Variants in MACROD2 observed in about 807,000 individuals in gnomAD.
MACROD2 encodes the protein mono-ADP ribosylhydrolase 2.
Under a neutral mutation model 70.4 loss-of-function variants are expected in MACROD2, and 36 were observed. The ratio of observed to expected loss-of-function variants is 0.51; its 90% CI spans 0.39 to 0.68. The LOEUF (loss-of-function observed/expected upper bound fraction) is 0.68, where lower values mean the gene tolerates loss of function less well. Ranked by LOEUF, MACROD2 falls within the 30% of genes least tolerant of loss-of-function variation. MACROD2 has a pLI of 0.00. For missense variants in MACROD2, 496 were observed against 538.4 expected, an observed-to-expected ratio of 0.92 and a Z score of 0.78; for synonymous variants, 172 against 178.8, an observed-to-expected ratio of 0.96 and a Z score of 0.30.
intron 4 of MACROD2, among the ~76,000 whole-genome samples, chr20:14,544,535 G>C (rs2085469414): frequency 1.3e-5 from 2 of 152,246 alleles, no homozygotes; most frequent in Admixed American, 1.3e-4. Flanking sequence ...TAGGAACCCA[G>C]TAAGTAGTGA....
chr20:14,027,761 T>G (rs1385797439), intron 2 of MACROD2, among the ~76,000 whole-genome samples: 2 of 152,166 alleles, frequency 1.3e-5, no homozygotes, highest in Non-Finnish European at 2.9e-5. Flanking sequence ...CAGCAAAGAT[T>G]GCTGCCTGTT....
chr20:14,162,796 T>TTTTA (rs1285431775), intron 3 of MACROD2, among the ~76,000 whole-genome samples: 1 of 152,194 alleles, frequency 6.6e-6, no homozygotes, highest in African/African-American at 2.4e-5. Context: ...TTGGGTCATG[T>TTTTA]TTTATTTATT....
chr20:15,963,533 T>C (rs2066095057), intron 12 of MACROD2, among the ~76,000 whole-genome samples: 1 of 152,206 alleles, frequency 6.6e-6, no homozygotes, highest in African/African-American at 2.4e-5. Flanking sequence ...TTGCTGGCTA[T>C]TTCCTCAAAT....
chr20:15,032,297 A>G (rs889547852), intron 5 of MACROD2, among the ~76,000 whole-genome samples: 1 of 152,172 alleles, frequency 6.6e-6, no homozygotes, highest in Non-Finnish European at 1.5e-5. Context: ...CCAACTTGGT[A>G]GGGAGTGGGC....
chr20:15,894,182 C>A (rs1448590099), intron 10 of MACROD2, among the ~76,000 whole-genome samples: 1 of 152,208 alleles, frequency 6.6e-6, no homozygotes, highest in Non-Finnish European at 1.5e-5. Flanking sequence ...TGCAGGACTG[C>A]ACAGTATCCC....
intron 2 of MACROD2, among the ~76,000 whole-genome samples, chr20:14,039,215 A>G (rs925411108): frequency 6.6e-6 from 1 of 152,216 alleles, no homozygotes; most frequent in Non-Finnish European, 1.5e-5. Context: ...AGAATTTCAC[A>G]TAAATTATGG....
chr20:15,268,368 G>A (rs1418857285), intron 6 of MACROD2, among the ~76,000 whole-genome samples: 1 of 152,150 alleles, frequency 6.6e-6, no homozygotes, highest in African/African-American at 2.4e-5. Flanking sequence ...AAAATAGATT[G>A]AGGGCCAGCG....
Position 14,056,612 on chromosome 20 carries a change from G to A in MACROD2, c.164-29009G>A, listed in dbSNP as rs774137405. Among the ~76,000 whole-genome samples, 10 of 151,468 alleles carry A rather than the reference G, an allele frequency of 6.6e-5. 1 individual carries two copies. The highest frequency in any genetic ancestry group is 1.5e-4 in the Non-Finnish European group (10 of 67,864). Reference sequence around the variant, plus strand: ...ATTGATCTAAAAGTTACTTAAGAGGGTATTTAAAAATGATGAAATGTATGT... The same window carrying A: ...ATTGATCTAAAAGTTACTTAAGAGGATATTTAAAAATGATGAAATGTATGT... On this transcript the variant is annotated intron_variant, in intron 2 of 17. Transcript: ENST00000684519.
At chr20:15,375,832 T>G (rs1403600537) in intron 6 of MACROD2, among the ~76,000 whole-genome samples, 1 of 152,124 alleles carries the variant, frequency 6.6e-6, no homozygotes, top group Admixed American at 6.5e-5. Context: ...TTACAAATAA[T>G]AAAATTGTGT....
intron 8 of MACROD2, among the ~76,000 whole-genome samples, chr20:15,757,841 A>G (rs73246245): frequency 0.05 from 7,648 of 152,244 alleles, 626 homozygotes; most frequent in African/African-American, 0.17. Flanking sequence ...TCAAGACTTC[A>G]TCTAACTTTA....
At chr20:14,745,047 G>A (rs1378045349) in intron 5 of MACROD2, among the ~76,000 whole-genome samples, 1 of 152,120 alleles carries the variant, frequency 6.6e-6, no homozygotes. Context: ...ATCATAAGGA[G>A]GTAGCATTAG....
intron 4 of MACROD2, among the ~76,000 whole-genome samples, chr20:14,540,496 A>G (rs2085419185): frequency 6.6e-6 from 1 of 152,090 alleles, no homozygotes. Context: ...TTCTTTCAGA[A>G]TGTGGTATAT....
intron 4 of MACROD2, among the ~76,000 whole-genome samples, chr20:14,497,485 T>C (rs1397830624): frequency 1.3e-5 from 2 of 151,790 alleles, no homozygotes; most frequent in Non-Finnish European, 2.9e-5. Context: ...CTCACTTCCT[T>C]TTGGATCATT....
chr20:14,587,381 A>G (rs946624034), intron 4 of MACROD2, among the ~76,000 whole-genome samples: 1 of 151,520 alleles, frequency 6.6e-6, no homozygotes, highest in East Asian at 1.9e-4. Context: ...CATTTTCACA[A>G]TTTTTCAATG....
chr20:15,400,761 TG>T (rs1229529807), intron 6 of MACROD2, among the ~76,000 whole-genome samples: 1 of 152,202 alleles, frequency 6.6e-6, no homozygotes, highest in Non-Finnish European at 1.5e-5. Flanking sequence ...CATTTGCCTT[TG>T]GCATATTTGA....
At chr20:14,896,836 A>G (rs2073836200) in intron 5 of MACROD2, among the ~76,000 whole-genome samples, 1 of 148,688 alleles carries the variant, frequency 6.7e-6, no homozygotes, top group Non-Finnish European at 1.5e-5. Context: ...AGTATAAACA[A>G]TGTTTTTAAT....
At chr20:14,087,895 A>C (rs1316713662) in intron 3 of MACROD2, among the ~76,000 whole-genome samples, 6 of 152,134 alleles carry the variant, frequency 3.9e-5, no homozygotes, top group Non-Finnish European at 7.3e-5. Flanking sequence ...GTGTGTGTAT[A>C]TATACATAAG....
intron 6 of MACROD2, among the ~76,000 whole-genome samples, chr20:15,417,624 A>G (rs1313438584): frequency 1.2e-4 from 18 of 149,518 alleles, no homozygotes; most frequent in African/African-American, 4.4e-4. Context: ...AAAGAAAGAA[A>G]GAAAGAAAAG....
intron 2 of MACROD2, among the ~76,000 whole-genome samples, chr20:14,034,453 A>G (rs555273963): frequency 2.6e-5 from 4 of 152,340 alleles, no homozygotes; most frequent in African/African-American, 7.2e-5. Context: ...TGTCTGTAAG[A>G]ATAATTTCCA....
Sources: gnomAD v4.1 joint callset for allele counts (sites outside exome capture counted in the v4.1 genomes callset) on GRCh38, gnomAD v4.1.1 for gene constraint, MANE v1.5 for transcripts, NCBI Gene and HGNC (gene_info 2026-07-23, HGNC 2026-07-21) for gene names.